SLC39A11: variants seen among roughly 807,000 people sequenced by gnomAD.
SLC39A11 encodes the protein zinc transporter ZIP11.
SLC39A11 carries 33 observed loss-of-function variants against 36.1 expected under a neutral mutation model. The ratio of observed to expected loss-of-function variants is 0.91; its 90% confidence interval spans 0.69 to 1.22. The LOEUF is 1.22. Ranked by LOEUF, SLC39A11 falls within the 50% of genes most tolerant of loss-of-function variation. The probability of loss-of-function intolerance (pLI) is 0.00; values close to 1 mark genes in which losing one functional copy is unlikely to be tolerated. For synonymous variants in SLC39A11, 166 were observed against 170.3 expected (o/e 0.97, Z 0.20); for missense variants, 432 against 430.3 (o/e 1.00, Z -0.03).
In SLC39A11 at chr17:72,678,990, G is replaced by A. The variant is rs566489555; in HGVS notation, c.672-29722C>T. On this transcript the variant is annotated intron_variant, in intron 7 of 9. Transcript: ENST00000255559. ...TGCAGCAACACGGATGGAACTGGAG[G>A]CCATTATGTTAAGTGAAATAGGCCA... Among the ~76,000 whole-genome samples the A allele has an allele frequency of 3.3e-5, 5 of 152,280 alleles. No individual in the cohort carries two copies. In the South Asian group the frequency reaches 1.0e-3, roughly 32 times the overall value.
At chr17:73,084,917 C>A (rs2060669739) in intron 2 of SLC39A11, 71 bp from the exon 3 acceptor site, 3 of 1,518,868 alleles carry the variant, frequency 2.0e-6, no homozygotes, top group South Asian at 2.2e-5. Flanking sequence ...CAAGAAGAAA[C>A]CATAAGGCCC....
At chr17:73,041,867 G>C (rs2059122429) in intron 3 of SLC39A11, among the ~76,000 whole-genome samples, 1 of 152,150 alleles carries the variant, frequency 6.6e-6, no homozygotes, top group Non-Finnish European at 1.5e-5. Context: ...CAAAATCCCT[G>C]TTTCCCTCCT....
intron 7 of SLC39A11, among the ~76,000 whole-genome samples, chr17:72,650,302 G>T (rs1027983937): frequency 6.6e-6 from 1 of 152,324 alleles, no homozygotes; most frequent in African/African-American, 2.4e-5. Flanking sequence ...ACCAGGCATT[G>T]GAGTGTGAGA....
At chr17:72,987,647 G>A (rs1216226234) in intron 4 of SLC39A11, among the ~76,000 whole-genome samples, 2 of 152,134 alleles carry the variant, frequency 1.3e-5, no homozygotes, top group Non-Finnish European at 2.9e-5. Flanking sequence ...AGCAATCTCT[G>A]GAAAATAAGA....
At chr17:72,837,821 T>C (rs2078634284) in intron 6 of SLC39A11, 4 of 622,394 alleles carry the variant, frequency 6.4e-6, no homozygotes, top group Non-Finnish European at 9.2e-6. Flanking sequence ...ACCGTTTAAA[T>C]GAAAGTCAGT....
intron 4 of SLC39A11, among the ~76,000 whole-genome samples, chr17:72,965,512 T>C (rs1793456050): frequency 6.6e-6 from 1 of 152,224 alleles, no homozygotes; most frequent in Admixed American, 6.5e-5. Flanking sequence ...CACCTTATTA[T>C]AAACTAGGCT....
intron 4 of SLC39A11, among the ~76,000 whole-genome samples, chr17:72,967,008 C>T (rs537053902): frequency 4.6e-5 from 7 of 152,274 alleles, no homozygotes; most frequent in South Asian, 2.1e-4. Context: ...ATCTAGGTTG[C>T]GCGTTCCTTA....
chr17:72,905,046 A>G (rs7406887), intron 5 of SLC39A11, among the ~76,000 whole-genome samples: 96,676 of 151,384 alleles, frequency 0.64, 32,749 homozygotes, highest in African/African-American at 0.88. Context: ...GGTGGCGGGC[A>G]CCTGTAGTCC....
chr17:72,983,123 T>C (rs2088454545), intron 4 of SLC39A11, among the ~76,000 whole-genome samples: 1 of 150,220 alleles, frequency 6.7e-6, no homozygotes, highest in Non-Finnish European at 1.5e-5. Context: ...AGGGTGTTTT[T>C]TGTTGTTGTT....
At chr17:72,674,058 ACT>A (rs2071143391) in intron 7 of SLC39A11, among the ~76,000 whole-genome samples, 1 of 151,698 alleles carries the variant, frequency 6.6e-6, no homozygotes, top group Admixed American at 6.6e-5. Context: ...ATGAAGTGAG[ACT>A]CTGTCTTTAA....
intron 3 of SLC39A11, among the ~76,000 whole-genome samples, chr17:73,078,312 A>G (rs2060394619): frequency 6.6e-6 from 1 of 152,058 alleles, no homozygotes; most frequent in Non-Finnish European, 1.5e-5. Context: ...CATTTAAAAC[A>G]TTTTTGTCTC....
At chr17:73,013,179 C>A (rs1473727432) in intron 4 of SLC39A11, among the ~76,000 whole-genome samples, 1 of 152,116 alleles carries the variant, frequency 6.6e-6, no homozygotes, top group African/African-American at 2.4e-5. Flanking sequence ...GCAATTTCCA[C>A]CTCCTGGGTT....
intron 7 of SLC39A11, among the ~76,000 whole-genome samples, chr17:72,704,205 C>A (rs1297159311): frequency 6.6e-6 from 1 of 152,242 alleles, no homozygotes; most frequent in African/African-American, 2.4e-5. Context: ...TTAGACATAT[C>A]AACTTGCTAG....
chr17:72,919,541 G>A (rs1348782030), intron 5 of SLC39A11, among the ~76,000 whole-genome samples: 2 of 151,860 alleles, frequency 1.3e-5, no homozygotes, highest in South Asian at 2.1e-4. Context: ...GCGTGGTGGC[G>A]GGCGCCTGTA....
intron 6 of SLC39A11, among the ~76,000 whole-genome samples, chr17:72,833,894 G>C (rs937506561): frequency 1.3e-5 from 2 of 152,158 alleles, no homozygotes; most frequent in African/African-American, 4.8e-5. Flanking sequence ...AGGAGCAAGA[G>C]AATGGTATCA....
intron 6 of SLC39A11, among the ~76,000 whole-genome samples, chr17:72,815,346 G>A (rs184030202): frequency 1.8e-3 from 268 of 152,364 alleles, no homozygotes; most frequent in Middle Eastern, 0.01. Context: ...GAGGCTGGGC[G>A]TGGTGGCTCA....
chr17:72,991,697 A>G (rs1240708792), intron 4 of SLC39A11, among the ~76,000 whole-genome samples: 1 of 152,226 alleles, frequency 6.6e-6, no homozygotes, highest in Non-Finnish European at 1.5e-5. Flanking sequence ...TAGCCATGCT[A>G]TCTTAATGAA....
At chr17:72,675,701 A>G (rs1390290235) in intron 7 of SLC39A11, among the ~76,000 whole-genome samples, 1 of 132,888 alleles carries the variant, frequency 7.5e-6, no homozygotes, top group African/African-American at 2.7e-5. Context: ...TTGTGTGTGT[A>G]AGATGGTGTT....
chr17:72,924,044 A>G (rs2083871703), intron 5 of SLC39A11, among the ~76,000 whole-genome samples: 1 of 151,364 alleles, frequency 6.6e-6, no homozygotes, highest in Non-Finnish European at 1.5e-5. Flanking sequence ...GTACTAGGGA[A>G]GCTGAGGTGG....
Sources: gnomAD v4.1 joint callset for allele counts (sites outside exome capture counted in the v4.1 genomes callset) on GRCh38, gnomAD v4.1.1 for gene constraint, MANE v1.5 for transcripts, NCBI Gene and HGNC (gene_info 2026-07-23, HGNC 2026-07-21) for gene names.